The following ERBB4 variants were observed in gnomAD, a reference collection of about 807,000 sequenced individuals.
ERBB4 encodes the protein receptor tyrosine-protein kinase erbB-4.
In ERBB4, 42 loss-of-function variants were observed where a neutral mutation model predicts 158.0. The ratio of observed to expected loss-of-function variants is 0.27; its 90% CI spans 0.21 to 0.34. The LOEUF (loss-of-function observed/expected upper bound fraction) is 0.34, where lower values mean the gene tolerates loss of function less well. Ranked by LOEUF, ERBB4 falls within the 10% of genes least tolerant of loss-of-function variation. ERBB4 has a pLI of 1.00. For missense variants in ERBB4, 1,333 were observed against 1,624.1 expected (o/e 0.82, Z 3.08); for synonymous variants, 583 against 558.7 (o/e 1.04, Z -0.61).
rs1222257557 is a variant in ERBB4, at chr2:211,376,022, TGGA to T, written c.*7590_*7592del. 1 of 232,778 alleles carries T rather than the reference TGGA, an allele frequency of 4.3e-6. No individual in the cohort carries two copies. Among genetic ancestry groups the T allele is most frequent in the East Asian group, 6.1e-5 (1 of 16,502 alleles). 14.4% of individuals were successfully genotyped at this position (232,778 alleles called of 1,614,324 possible). On this transcript the variant is annotated 3_prime_UTR_variant, in exon 28 of 28. Coordinates refer to ENST00000342788, the MANE Select transcript of ERBB4 (RefSeq NM_005235.3). ...AAAGGAAGGAGGATGGGTAAAAGGT[TGGA>T]GGAGAAGAAAGAATAAGAGAAAGTA...
chr2:212,192,145 TTA>T (rs972277092), intron 1 of ERBB4, among the ~76,000 whole-genome samples: 7 of 115,228 alleles, frequency 6.1e-5, no homozygotes, highest in East Asian at 4.4e-4. Flanking sequence ...TATCTATATG[TTA>T]TATATATTAT....
intron 1 of ERBB4, among the ~76,000 whole-genome samples, chr2:212,453,992 A>G (rs1040733754): frequency 6.6e-5 from 10 of 151,154 alleles, no homozygotes; most frequent in Non-Finnish European, 1.5e-4. Context: ...CCAAGCTGGA[A>G]TGCAGTGGTG....
intron 2 of ERBB4, among the ~76,000 whole-genome samples, chr2:212,049,985 T>G (rs1158457695): frequency 6.6e-6 from 1 of 152,074 alleles, no homozygotes; most frequent in Admixed American, 6.6e-5. Context: ...GGTAAAAGGT[T>G]GGAAAAATAC....
At chr2:211,619,571 T>C (rs775201730) in intron 18 of ERBB4, among the ~76,000 whole-genome samples, 2 of 152,118 alleles carry the variant, frequency 1.3e-5, no homozygotes, top group Non-Finnish European at 2.9e-5. Context: ...AGCATGGAAA[T>C]AGGATAGCAA....
At chr2:211,928,123 T>A (rs1428515794) in intron 3 of ERBB4, among the ~76,000 whole-genome samples, 1 of 152,104 alleles carries the variant, frequency 6.6e-6, no homozygotes, top group African/African-American at 2.4e-5. Context: ...ACAATCCCAA[T>A]AGAAGCAAGA....
At chr2:211,785,878 T>C (rs1216165889) in intron 4 of ERBB4, among the ~76,000 whole-genome samples, 1 of 152,218 alleles carries the variant, frequency 6.6e-6, no homozygotes, top group Non-Finnish European at 1.5e-5. Flanking sequence ...TATTTATTGA[T>C]TGCTATGCAT....
At chr2:211,565,676 C>G (rs942728599) in intron 19 of ERBB4, among the ~76,000 whole-genome samples, 2 of 152,100 alleles carry the variant, frequency 1.3e-5, no homozygotes, top group Admixed American at 1.3e-4. Context: ...AAGAGTTATT[C>G]ACAAATATGC....
intron 20 of ERBB4, among the ~76,000 whole-genome samples, chr2:211,480,845 A>C (rs1022000526): frequency 6.6e-6 from 1 of 152,188 alleles, no homozygotes; most frequent in African/African-American, 2.4e-5. Context: ...CTACAAGGTA[A>C]CATATCATTC....
chr2:212,436,431 G>C (rs1326629157), intron 1 of ERBB4, among the ~76,000 whole-genome samples: 1 of 152,000 alleles, frequency 6.6e-6, no homozygotes, highest in Non-Finnish European at 1.5e-5. Context: ...AAAAGACTTA[G>C]CCAGCTTACA....
intron 1 of ERBB4, among the ~76,000 whole-genome samples, chr2:212,416,688 A>C (rs981948638): frequency 6.6e-6 from 1 of 152,052 alleles, no homozygotes; most frequent in African/African-American, 2.4e-5. Flanking sequence ...ACTGCAGTAC[A>C]TTACTGACAT....
chr2:211,734,909 C>CAAA (rs570006497), intron 5 of ERBB4, among the ~76,000 whole-genome samples: 7,169 of 68,834 alleles, frequency 0.1, 1,200 homozygotes, highest in African/African-American at 0.29. Flanking sequence ...GAGACTCTGT[C>CAAA]AAAAAAAAAA....
At chr2:212,183,910 T>C (rs2081944080) in intron 1 of ERBB4, among the ~76,000 whole-genome samples, 1 of 152,130 alleles carries the variant, frequency 6.6e-6, no homozygotes, top group Non-Finnish European at 1.5e-5. Context: ...GTCTATTCTT[T>C]TTCATTTTGA....
At chr2:212,113,213 A>C (rs994797234) in intron 2 of ERBB4, among the ~76,000 whole-genome samples, 2 of 152,182 alleles carry the variant, frequency 1.3e-5, no homozygotes, top group African/African-American at 4.8e-5. Flanking sequence ...CAAATAGAGA[A>C]GGGTAAAAAG....
At chr2:212,181,534 T>A (rs1280870514) in intron 1 of ERBB4, among the ~76,000 whole-genome samples, 1 of 151,734 alleles carries the variant, frequency 6.6e-6, no homozygotes, top group Non-Finnish European at 1.5e-5. Context: ...AATAATCATA[T>A]ACATATGTTT....
intron 2 of ERBB4, among the ~76,000 whole-genome samples, chr2:212,039,378 C>T (rs1228821645): frequency 2.0e-5 from 3 of 152,240 alleles, no homozygotes; most frequent in East Asian, 1.9e-4. Flanking sequence ...CTCTGACAAC[C>T]GTAATTCTTC....
At chr2:212,201,609 A>G (rs960929497) in intron 1 of ERBB4, among the ~76,000 whole-genome samples, 1 of 152,174 alleles carries the variant, frequency 6.6e-6, no homozygotes, top group Non-Finnish European at 1.5e-5. Context: ...TATTTCCTTC[A>G]TTTAAAAGGT....
chr2:211,736,235 C>T (rs1244733171), intron 5 of ERBB4, among the ~76,000 whole-genome samples: 1 of 151,320 alleles, frequency 6.6e-6, no homozygotes, highest in Non-Finnish European at 1.5e-5. Context: ...TAGTGTTTTT[C>T]AAACTTTTGA....
At chr2:211,922,055 A>G (rs1350256511) in intron 3 of ERBB4, among the ~76,000 whole-genome samples, 1 of 152,058 alleles carries the variant, frequency 6.6e-6, no homozygotes, top group Non-Finnish European at 1.5e-5. Context: ...AGTTGATAGG[A>G]GTTTGTTTTA....
At chr2:211,897,583 C>T (rs2079130605) in intron 3 of ERBB4, among the ~76,000 whole-genome samples, 1 of 152,094 alleles carries the variant, frequency 6.6e-6, no homozygotes, top group Admixed American at 6.6e-5. Flanking sequence ...CCCAGCAGGC[C>T]TTCCCTCCTT....
Sources: allele counts gnomAD v4.1 joint callset (sites outside exome capture counted in the v4.1 genomes callset), GRCh38; gene constraint gnomAD v4.1.1; transcripts MANE v1.5; gene names NCBI Gene and HGNC (gene_info 2026-07-23, HGNC 2026-07-21).